SCFD2: variants seen among roughly 807,000 people sequenced by gnomAD.
SCFD2 encodes sec1 family domain containing 2.
A neutral mutation model predicts 58.9 loss-of-function variants in SCFD2; 54 were observed. The observed-to-expected ratio is 0.92, with a 90% confidence interval of 0.74 to 1.15. SCFD2 has a LOEUF of 1.15. SCFD2 is among the 50% of genes most tolerant of loss of function. The pLI is 0.00. For synonymous variants in SCFD2, 321 were observed against 335.9 expected (o/e 0.96, Z 0.49); for missense variants, 805 against 836.6 (o/e 0.96, Z 0.47).
intron 5 of SCFD2, among the ~76,000 whole-genome samples, chr4:53,091,961 T>C (rs1015866735): frequency 6.6e-6 from 1 of 152,150 alleles, no homozygotes; most frequent in Non-Finnish European, 1.5e-5. Context: ...TAAAGAAATA[T>C]AAATCTTCCA....
intron 4 of SCFD2, among the ~76,000 whole-genome samples, chr4:53,266,046 GA>G (rs36093007): frequency 2.6e-5 from 4 of 151,932 alleles, no homozygotes; most frequent in Non-Finnish European, 5.9e-5. Flanking sequence ...TTTTAATGGG[GA>G]AAAAAAGCTT....
chr4:53,310,805 T>A (rs1368505603), intron 3 of SCFD2, among the ~76,000 whole-genome samples: 1 of 152,206 alleles, frequency 6.6e-6, no homozygotes, highest in Non-Finnish European at 1.5e-5. Flanking sequence ...TACTGAGAAA[T>A]TTTATATTTA....
chr4:53,022,388 A>C (rs963089526), intron 5 of SCFD2, among the ~76,000 whole-genome samples: 1 of 152,202 alleles, frequency 6.6e-6, no homozygotes, highest in Non-Finnish European at 1.5e-5. Context: ...GCTCACATTA[A>C]ATCAGGCAGC....
At chr4:52,987,717 A>AT (rs1275373422) in intron 5 of SCFD2, among the ~76,000 whole-genome samples, 1 of 152,246 alleles carries the variant, frequency 6.6e-6, no homozygotes, top group Non-Finnish European at 1.5e-5. Context: ...ATTTATCTTG[A>AT]TTTTTTTCAT....
intron 5 of SCFD2, among the ~76,000 whole-genome samples, chr4:52,964,402 G>C (rs1355917890): frequency 6.6e-6 from 1 of 152,110 alleles, no homozygotes; most frequent in Non-Finnish European, 1.5e-5. Context: ...TTAGCCAACA[G>C]GTCCAACTTT....
rs1039590358 is a variant in SCFD2, at chr4:53,096,068, C to T, written c.1561+49265G>A. Among the ~76,000 whole-genome samples the T allele has an allele frequency of 1.3e-4, 20 of 152,082 alleles. No individual in the cohort carries two copies. In the East Asian group the frequency reaches 1.9e-3, roughly 15 times the overall value. ...ATGAACTCATCATTTTTTATGGCTG[C>T]GTAGTATTCCATGGTGTATATGTGC... On this transcript the variant is annotated intron_variant, in intron 5 of 8. Coordinates refer to ENST00000401642, the MANE Select transcript of SCFD2 (RefSeq NM_152540.4).
At chr4:53,157,030 T>C (rs753812474) in intron 4 of SCFD2, among the ~76,000 whole-genome samples, 1 of 152,246 alleles carries the variant, frequency 6.6e-6, no homozygotes, top group Non-Finnish European at 1.5e-5. Flanking sequence ...CCGATATACT[T>C]ACTGTCAATG....
chr4:53,247,351 A>T (rs1560408770), intron 4 of SCFD2, among the ~76,000 whole-genome samples: 1 of 152,162 alleles, frequency 6.6e-6, no homozygotes, highest in South Asian at 2.1e-4. Context: ...AAGAGCTAAA[A>T]ACTGAACTAC....
chr4:53,279,374 C>T (rs1184723950), intron 3 of SCFD2, among the ~76,000 whole-genome samples: 1 of 152,106 alleles, frequency 6.6e-6, no homozygotes, highest in African/African-American at 2.4e-5. Context: ...CTCCCACCTC[C>T]CAAAGTACTG....
intron 3 of SCFD2, among the ~76,000 whole-genome samples, chr4:53,302,681 A>T (rs1732354844): frequency 2.0e-5 from 3 of 152,140 alleles, no homozygotes; most frequent in Admixed American, 2.0e-4. Flanking sequence ...AGAGGCATCA[A>T]GCTACCTGAC....
chr4:53,173,385 A>G (rs1185010290), intron 4 of SCFD2, among the ~76,000 whole-genome samples: 2 of 152,146 alleles, frequency 1.3e-5, no homozygotes, highest in Non-Finnish European at 2.9e-5. Flanking sequence ...GTCAGGGACC[A>G]TTTGTATAAC....
rs550531941 is a variant in SCFD2, at chr4:52,888,722, T to G, written c.1843-2856A>C. Among the ~76,000 whole-genome samples, 192 of 152,344 alleles carry G rather than the reference T, an allele frequency of 1.3e-3. 2 individuals are homozygous for G. Among genetic ancestry groups the G allele is most frequent in the Non-Finnish European group, 1.5e-3 (104 of 68,030 alleles). ...TTTCTTAATAGGTTCCCTTTCTTGG[T>G]CTGCCCATTTAAATGTTGTTACTTA... On this transcript the variant is annotated intron_variant, in intron 7 of 8. Transcript: ENST00000401642.
intron 2 of SCFD2, among the ~76,000 whole-genome samples, chr4:53,330,174 G>C (rs554754773): frequency 1.3e-5 from 2 of 152,290 alleles, no homozygotes; most frequent in South Asian, 4.1e-4. Context: ...ACACGCTGCA[G>C]GATATTATCC....
intron 4 of SCFD2, among the ~76,000 whole-genome samples, chr4:53,201,528 G>C (rs1222213243): frequency 1.3e-5 from 2 of 152,092 alleles, no homozygotes; most frequent in East Asian, 1.9e-4. Context: ...ATAATCCTTT[G>C]GGTAAATACC....
At chr4:53,213,578 G>A (rs563047478) in intron 4 of SCFD2, among the ~76,000 whole-genome samples, 2 of 152,040 alleles carry the variant, frequency 1.3e-5, no homozygotes, top group South Asian at 4.1e-4. Flanking sequence ...GCAAATACAG[G>A]ATATAAAAGT....
At chr4:53,237,255 G>T (rs894638863) in intron 4 of SCFD2, among the ~76,000 whole-genome samples, 2 of 146,652 alleles carry the variant, frequency 1.4e-5, no homozygotes, top group African/African-American at 5.0e-5. Flanking sequence ...ACACAGACAC[G>T]GCAACCATCC....
chr4:52,978,978 T>G (rs1313151882), intron 5 of SCFD2, among the ~76,000 whole-genome samples: 1 of 151,584 alleles, frequency 6.6e-6, no homozygotes, highest in Non-Finnish European at 1.5e-5. Context: ...CCAGGGGTCT[T>G]GAACTCCTGG....
intron 2 of SCFD2, among the ~76,000 whole-genome samples, chr4:53,321,249 T>C (rs1290222940): frequency 3.9e-5 from 6 of 152,128 alleles, no homozygotes; most frequent in Non-Finnish European, 8.8e-5. Context: ...TACTCAACTC[T>C]GAATGAAATC....
chr4:52,973,938 T>G (rs925891981), intron 5 of SCFD2, among the ~76,000 whole-genome samples: 1 of 152,228 alleles, frequency 6.6e-6, no homozygotes, highest in Non-Finnish European at 1.5e-5. Flanking sequence ...TCTCAATAGA[T>G]GCAGAAAAAG....
Sources: allele counts gnomAD v4.1 joint callset (sites outside exome capture counted in the v4.1 genomes callset), GRCh38; gene constraint gnomAD v4.1.1; transcripts MANE v1.5; gene names NCBI Gene and HGNC (gene_info 2026-07-23, HGNC 2026-07-21).